The following CDH13 variants were observed in gnomAD, a reference collection of about 807,000 sequenced individuals.
The protein encoded by CDH13 is cadherin-13.
Under a neutral mutation model 63.8 loss-of-function variants are expected in CDH13, and 24 were observed. The observed-to-expected ratio is 0.38, with a 90% confidence interval of 0.27 to 0.53. CDH13 has a LOEUF of 0.53. CDH13 is among the 20% of genes least tolerant of loss of function. The probability of loss-of-function intolerance (pLI) is 0.85; values close to 1 mark genes in which losing one functional copy is unlikely to be tolerated. For missense variants in CDH13, 1,049 were observed against 903.1 expected (o/e 1.16, Z -2.07); for synonymous variants, 503 against 355.3 (o/e 1.42, Z -4.67).
chr16:82,782,533 C>T (rs1281672052), intron 1 of CDH13, among the ~76,000 whole-genome samples: 1 of 141,962 alleles, frequency 7.0e-6, no homozygotes, highest in Non-Finnish European at 1.5e-5. Flanking sequence ...GCCTGGGCGA[C>T]AGTGCCAGAC....
chr16:83,448,808 G>T (rs1214598470), intron 6 of CDH13, among the ~76,000 whole-genome samples: 1 of 152,108 alleles, frequency 6.6e-6, no homozygotes, highest in Non-Finnish European at 1.5e-5. Flanking sequence ...GGAGGATAGG[G>T]TGGACTGGTT....
chr16:83,667,993 C>G (rs28523868), intron 8 of CDH13, among the ~76,000 whole-genome samples: 2 of 152,118 alleles, frequency 1.3e-5, no homozygotes, highest in African/African-American at 4.8e-5. Flanking sequence ...GCACATTACT[C>G]TATTATGATA....
intron 7 of CDH13, among the ~76,000 whole-genome samples, chr16:83,530,429 A>G (rs909261104): frequency 1.3e-5 from 2 of 152,200 alleles, no homozygotes; most frequent in Admixed American, 6.5e-5. Flanking sequence ...TAGTCACGGA[A>G]TCAGGACCCC....
At chr16:83,624,269 C>A (rs984080437) in intron 8 of CDH13, among the ~76,000 whole-genome samples, 3 of 151,564 alleles carry the variant, frequency 2.0e-5, no homozygotes, top group African/African-American at 7.3e-5. Context: ...CATAGAAAGA[C>A]TTTTGGTCTC....
chr16:82,783,601 G>T (rs2035868075), intron 1 of CDH13, among the ~76,000 whole-genome samples: 1 of 152,216 alleles, frequency 6.6e-6, no homozygotes, highest in African/African-American at 2.4e-5. Flanking sequence ...TTTCCTCCCT[G>T]AGCTGTCTTG....
Position 83,797,959 on chromosome 16 carries a change from C to T in CDH13, c.*2929C>T, listed in dbSNP as rs1904290735. The T allele has an allele frequency of 6.6e-6, 1 of 152,190 alleles. No homozygotes were observed. The highest frequency in any genetic ancestry group is 6.5e-5 in the Admixed American group (1 of 15,268). The allele number at this position is 152,190 out of a possible 1,614,324, so 9.4% of individuals were successfully genotyped here. On this transcript the variant is annotated 3_prime_UTR_variant, in exon 14 of 14. Transcript: ENST00000567109. ...CACCTTCAATACCGCCAGTTCTCTC[C>T]AAATGAGCATCATTCCAGGCAGATA... is the stretch of plus-strand genomic sequence containing the variant.
At chr16:83,586,421 A>G (rs1906162929) in intron 7 of CDH13, among the ~76,000 whole-genome samples, 1 of 152,200 alleles carries the variant, frequency 6.6e-6, no homozygotes, top group South Asian at 2.1e-4. Context: ...AATGAAAAGG[A>G]GCCCTCCAAG....
At chr16:82,909,476 C>G (rs2041759609) in intron 2 of CDH13, among the ~76,000 whole-genome samples, 1 of 152,140 alleles carries the variant, frequency 6.6e-6, no homozygotes, top group South Asian at 2.1e-4. Context: ...AGTCTGTTCT[C>G]ATGCTGCTGA....
At chr16:83,534,168 C>T (rs537610630) in intron 7 of CDH13, among the ~76,000 whole-genome samples, 1 of 152,142 alleles carries the variant, frequency 6.6e-6, no homozygotes, top group African/African-American at 2.4e-5. Flanking sequence ...TACTTTCTGT[C>T]TTTAAGGATT....
chr16:82,757,614 A>ATTATGTC (rs1555511727), intron 1 of CDH13, among the ~76,000 whole-genome samples: 14 of 151,012 alleles, frequency 9.3e-5, no homozygotes, highest in East Asian at 1.9e-4. Flanking sequence ...TTGCAAATGC[A>ATTATGTC]AGCTTTGGTA....
intron 11 of CDH13, among the ~76,000 whole-genome samples, chr16:83,769,277 A>G (rs986603554): frequency 2.6e-5 from 4 of 152,140 alleles, no homozygotes; most frequent in Admixed American, 1.3e-4. Flanking sequence ...AACAATGGGG[A>G]TGCAAATCAA....
intron 6 of CDH13, among the ~76,000 whole-genome samples, chr16:83,474,469 C>G (rs947995748): frequency 6.6e-6 from 1 of 152,074 alleles, no homozygotes; most frequent in Non-Finnish European, 1.5e-5. Flanking sequence ...TCTCAGACAT[C>G]AAGAGAATTT....
intron 3 of CDH13, among the ~76,000 whole-genome samples, chr16:83,066,319 G>C (rs1385255722): frequency 2.0e-5 from 3 of 152,180 alleles, no homozygotes; most frequent in Non-Finnish European, 4.4e-5. Flanking sequence ...AACCAGGATA[G>C]TCTTGAGAGA....
chr16:83,240,396 G>C (rs1904319279), intron 5 of CDH13, among the ~76,000 whole-genome samples: 1 of 152,084 alleles, frequency 6.6e-6, no homozygotes, highest in Non-Finnish European at 1.5e-5. Flanking sequence ...CTTTCACCAG[G>C]AATGCTGTAA....
At chr16:83,778,526 CA>C (rs5818469) in intron 11 of CDH13, among the ~76,000 whole-genome samples, 91,107 of 141,276 alleles carry the variant, frequency 0.64, 28,943 homozygotes, top group African/African-American at 0.74. Context: ...TGAGACTCAC[CA>C]AAAAAAAAAA....
At chr16:83,609,969 A>C (rs1908705777) in intron 8 of CDH13, among the ~76,000 whole-genome samples, 1 of 152,206 alleles carries the variant, frequency 6.6e-6, no homozygotes, top group Non-Finnish European at 1.5e-5. Context: ...GGAATCATAC[A>C]ATACGTGGTC....
intron 6 of CDH13, among the ~76,000 whole-genome samples, chr16:83,445,460 T>TCAGA (rs1390837263): frequency 6.6e-6 from 1 of 152,128 alleles, no homozygotes; most frequent in Admixed American, 6.5e-5. Flanking sequence ...CTCAGGCTTC[T>TCAGA]GGGTCATTAA....
intron 2 of CDH13, among the ~76,000 whole-genome samples, chr16:82,881,845 C>G (rs1379207902): frequency 2.0e-5 from 3 of 152,120 alleles, no homozygotes; most frequent in Admixed American, 1.3e-4. Flanking sequence ...GACCCCCACA[C>G]CCAGGTCTCT....
intron 7 of CDH13, among the ~76,000 whole-genome samples, chr16:83,530,621 G>A (rs2075062981): frequency 6.6e-6 from 1 of 152,184 alleles, no homozygotes; most frequent in African/African-American, 2.4e-5. Context: ...AACCATCACA[G>A]CAGCTGTTTT....
Sources: allele counts gnomAD v4.1 joint callset (sites outside exome capture counted in the v4.1 genomes callset), GRCh38; gene constraint gnomAD v4.1.1; transcripts MANE v1.5; gene names NCBI Gene and HGNC (gene_info 2026-07-23, HGNC 2026-07-21).